Variants in FAM153A observed in about 807,000 individuals in gnomAD.
FAM153A encodes protein FAM153A.
Under a neutral mutation model 48.1 loss-of-function variants are expected in FAM153A, and 12 were observed. The ratio of observed to expected loss-of-function variants is 0.25; its 90% CI spans 0.16 to 0.40. FAM153A has a LOEUF of 0.40. Ranked by LOEUF, FAM153A falls within the 10% of genes least tolerant of loss-of-function variation. The pLI is 1.00. For synonymous variants in FAM153A, 36 were observed against 118.2 expected, an observed-to-expected ratio of 0.30 and a Z score of 4.51; for missense variants, 111 against 345.8, an observed-to-expected ratio of 0.32 and a Z score of 5.38.
At chr5:177,757,942 A>G (rs1365545991), upstream of FAM153A, among the ~76,000 whole-genome samples, 3 of 151,558 alleles carry the variant, frequency 2.0e-5, no homozygotes, top group Non-Finnish European at 2.9e-5. Flanking sequence ...CTCTCTCACC[A>G]CTCCTCTTCA....
chr5:177,756,572 C>T (rs1767759054), upstream of FAM153A, among the ~76,000 whole-genome samples: 1 of 149,864 alleles, frequency 6.7e-6, no homozygotes, highest in Non-Finnish European at 1.5e-5. Context: ...CCAAAATTGA[C>T]CACATAGTTG....
At chr5:177,713,396 GCCTGC>G (rs1373387395) in intron 26 of FAM153A, among the ~76,000 whole-genome samples, 1 of 150,958 alleles carries the variant, frequency 6.6e-6, no homozygotes, top group Non-Finnish European at 1.5e-5. Flanking sequence ...GACTAGAGGT[GCCTGC>G]CACCATGCCC....
Position 177,769,250 on chromosome 5 carries a change from A to AT in FAM153A, c.-57+11198_-57+11199insA, listed in dbSNP as rs1431130728. ...CGTCCCAAAAAAAAAAAAAAAAAAA[A>AT]GGGTGAGAACCGTGCAATATATTTC... On this transcript the variant is annotated intron_variant, in intron 1 of 8. Transcript: ENST00000393518. Among the ~76,000 whole-genome samples, 5 of 92,740 alleles carry AT rather than the reference A, an allele frequency of 5.4e-5. 2 individuals are homozygous for AT. The highest frequency in any genetic ancestry group is 2.1e-4 in the African/African-American group (5 of 23,276). The allele number at this position is 92,740 out of a possible 152,430, so 60.8% of individuals were successfully genotyped here. A position where few individuals can be genotyped will look rare whatever the true frequency, so the allele number is the denominator to read the frequency against.
chr5:177,763,886 G>C (rs1278141534), intron 1 of FAM153A, among the ~76,000 whole-genome samples: 2 of 151,640 alleles, frequency 1.3e-5, no homozygotes, highest in East Asian at 3.9e-4. Flanking sequence ...GAGGATGGCT[G>C]TGAACGCCTT....
Position 177,772,263 on chromosome 5 carries a change from G to T in FAM153A, c.-57+8186C>A, listed in dbSNP as rs1354152104. 3.2e-5 allele frequency among the ~76,000 whole-genome samples: 3 copies of T among 94,662 alleles called. 1 individual carries two copies. Among genetic ancestry groups the T allele is most frequent in the Admixed American group, 2.2e-4 (2 of 9,276 alleles). 62.1% of individuals were successfully genotyped at this position (94,662 alleles called of 152,430 possible). A position where few individuals can be genotyped will look rare whatever the true frequency, so the allele number is the denominator to read the frequency against. ...AATAAGTGGGGGGAGGAGCCAAGATGGCCGAATAGGAACAGCTCCGGTCTA... is the reference window on the plus strand; with the variant it reads ...AATAAGTGGGGGGAGGAGCCAAGATTGCCGAATAGGAACAGCTCCGGTCTA... On this transcript the variant is annotated intron_variant, in intron 1 of 8. Transcript: ENST00000393518.
At chr5:177,757,761 T>C (rs1347359784), upstream of FAM153A, among the ~76,000 whole-genome samples, 10 of 151,458 alleles carry the variant, frequency 6.6e-5, no homozygotes, top group Non-Finnish European at 1.0e-4. Flanking sequence ...GAAAAGGCCT[T>C]TGGCAAAATT....
intron 25 of FAM153A, among the ~76,000 whole-genome samples, chr5:177,715,174 G>A (rs1759421426): frequency 6.6e-6 from 1 of 151,624 alleles, no homozygotes; most frequent in South Asian, 2.1e-4. Context: ...AGTAGAGACA[G>A]GGTTTCACCA....
At chr5:177,743,195 TTTTTTGTTTTG>T (rs1018751291) in intron 6 of FAM153A, among the ~76,000 whole-genome samples, 15 of 98,728 alleles carry the variant, frequency 1.5e-4, no homozygotes, top group Admixed American at 3.7e-4. Flanking sequence ...CACTTGTTTT[TTTTTTGTTTTG>T]TTTTTTTTTT....
chr5:177,738,488 T>C (rs1297094372), intron 10 of FAM153A, among the ~76,000 whole-genome samples: 1 of 151,426 alleles, frequency 6.6e-6, no homozygotes, highest in Non-Finnish European at 1.5e-5. Context: ...CCAACTTCCA[T>C]ATGCACACAT....
downstream of FAM153A, among the ~76,000 whole-genome samples, chr5:177,707,623 CT>C (rs147632275): frequency 2.7e-5 from 4 of 150,218 alleles, no homozygotes; most frequent in South Asian, 2.1e-4. Flanking sequence ...GATTAAATAA[CT>C]TTTTTTTTTG....
At chr5:177,700,453 CTA>C in the FAM153A span, among the ~76,000 whole-genome samples, 2 of 151,878 alleles carry the variant, frequency 1.3e-5, no homozygotes, top group Non-Finnish European at 2.9e-5. Context: ...TACAAAAAAA[CTA>C]TGAGAGCTAA....
intron 13 of FAM153A, 73 bp from the exon 16 acceptor site, chr5:177,734,477 A>G: frequency 5.8e-6 from 4 of 685,332 alleles, no homozygotes; most frequent in East Asian, 6.4e-5. Context: ...ACTTTTCTTC[A>G]CTTAGTGACA....
At chr5:177,756,670 A>G (rs879489924), upstream of FAM153A, among the ~76,000 whole-genome samples, 18 of 151,852 alleles carry the variant, frequency 1.2e-4, no homozygotes, top group African/African-American at 3.9e-4. Context: ...CTAGAACTCA[A>G]GATTAAGAAA....
rs1412569513 is a variant in FAM153A, at chr5:177,726,871, TGA to T, written c.965-2052_965-2051del. The stretch of plus-strand genomic sequence containing the variant: ...GATTCCAGCCTTGATGCAAATGCAC[TGA>T]GTTAGGTGGGTGCAGAGAACAGAAC... On this transcript the variant is annotated intron_variant, in intron 18 of 20. Transcript: ENST00000614127. 3.3e-5 allele frequency among the ~76,000 whole-genome samples: 4 copies of T among 120,272 alleles called. No homozygotes were observed. In the Admixed American group the frequency reaches 3.6e-4, roughly 11 times the overall value. The allele number at this position is 120,272 out of a possible 152,430, so 78.9% of individuals were successfully genotyped here.
intron 1 of FAM153A, among the ~76,000 whole-genome samples, chr5:177,764,997 AT>A (rs1768631740): frequency 1.5e-5 from 2 of 129,830 alleles, no homozygotes; most frequent in African/African-American, 3.0e-5. Context: ...GAGTGTCAAC[AT>A]CTGGCCTGGG....
At chr5:177,725,699 G>A (rs1188993264) in intron 18 of FAM153A, among the ~76,000 whole-genome samples, 2,165 of 149,710 alleles carry the variant, frequency 0.014, 5 homozygotes, top group African/African-American at 0.044. Flanking sequence ...CAGAGAGGAG[G>A]GTGTGACAAG....
rs1768870823 is a variant in FAM153A, at chr5:177,768,327, A to G, written c.-57+12122T>C. Reference sequence around the variant, plus strand: ...CCCAGTCACTTTGGGTCTTGATGAAAGCTTCATTATATTGGCATCACTGAT... The same window carrying G: ...CCCAGTCACTTTGGGTCTTGATGAAGGCTTCATTATATTGGCATCACTGAT... On this transcript the variant is annotated intron_variant, in intron 1 of 8. Transcript: ENST00000393518. Among the ~76,000 whole-genome samples the G allele has an allele frequency of 1.3e-5, 2 of 151,832 alleles. 1 individual carries two copies. The highest frequency in any genetic ancestry group is 4.2e-4 in the South Asian group (2 of 4,798).
At chr5:177,782,996 G>T (rs1769831941), upstream of FAM153A, 1 of 95,122 alleles carries the variant, frequency 1.1e-5, no homozygotes, top group East Asian at 3.8e-4. Flanking sequence ...CGTGTAGCCC[G>T]CCCCGCTCCT....
At chr5:177,710,095 A>G (rs1758274937), downstream of FAM153A, among the ~76,000 whole-genome samples, 1 of 148,934 alleles carries the variant, frequency 6.7e-6, no homozygotes, top group Non-Finnish European at 1.5e-5. Flanking sequence ...ATTGTTCTGT[A>G]TATGGTAGTG....
Sources: gnomAD v4.1 joint callset for allele counts (sites outside exome capture counted in the v4.1 genomes callset) on GRCh38, gnomAD v4.1.1 for gene constraint, MANE v1.5 for transcripts, NCBI Gene and HGNC (gene_info 2026-07-23, HGNC 2026-07-21) for gene names.